The following GLB1L3 variants were observed in gnomAD, a reference collection of about 807,000 sequenced individuals.
GLB1L3 encodes the protein galactosidase beta 1 like 3, also known as beta-galactosidase-1-like protein 3.
GLB1L3 carries 89 observed loss-of-function variants against 89.5 expected under a neutral mutation model. The ratio of observed to expected loss-of-function variants is 0.99; its 90% confidence interval spans 0.84 to 1.19. The LOEUF is 1.19. GLB1L3 is among the 50% of genes most tolerant of loss of function. GLB1L3 has a pLI of 0.00. For missense variants in GLB1L3, 812 were observed against 813.3 expected, an observed-to-expected ratio of 1.00 and a Z score of 0.02; for synonymous variants, 314 against 312.3, an observed-to-expected ratio of 1.01 and a Z score of -0.06.
chr11:134,285,622 C>T (rs1288150649), intron 6 of GLB1L3, among the ~76,000 whole-genome samples: 1 of 151,980 alleles, frequency 6.6e-6, no homozygotes, highest in African/African-American at 2.4e-5. Context: ...CACAACTCTA[C>T]AAAAAATACA....
chr11:134,312,898 T>A lies in GLB1L3; in HGVS notation c.1500+11T>A. 1 of 1,581,740 alleles carries A rather than the reference T, an allele frequency of 6.3e-7. No individual in the cohort carries two copies. The highest frequency in any genetic ancestry group is 8.7e-7 in the Non-Finnish European group (1 of 1,153,540). On this transcript the variant is annotated intron_variant, in intron 15 of 19. Transcript: ENST00000431683. ...ATTCCTGAACTCAGGGTATGTAATTTGAGAGTCCAGGTGATGCCCTCGACC... is the reference window on the plus strand; with the variant it reads ...ATTCCTGAACTCAGGGTATGTAATTAGAGAGTCCAGGTGATGCCCTCGACC...
At chr11:134,277,198 AC>A (rs779390390) in intron 1 of GLB1L3, 127 bp from the exon 2 acceptor site, 5 of 1,194,470 alleles carry the variant, frequency 4.2e-6, no homozygotes, top group Non-Finnish European at 2.4e-6. Flanking sequence ...CGCCTGGAAG[AC>A]CCGCCTGTGT....
chr11:134,308,274 C>T (rs868231969), intron 10 of GLB1L3, among the ~76,000 whole-genome samples: 49 of 39,264 alleles, frequency 1.2e-3, no homozygotes, highest in Middle Eastern at 0.012. Context: ...ACCACCACCA[C>T]CACCACCAAA....
In GLB1L3 at chr11:134,277,344, G is replaced by A. The variant is rs1185079520; in HGVS notation, c.42G>A (p.Lys14=). The A allele has an allele frequency of 6.2e-7, 1 of 1,613,840 alleles. No homozygotes were observed. Among genetic ancestry groups the A allele is most frequent in the African/African-American group, 1.3e-5 (1 of 74,940 alleles). Residue 14 remains lysine (K), a synonymous_variant, in exon 2 of 20, where the codon AAG becomes AAA. Transcript: ENST00000431683. ...CTTTCAGCCCGTGTCTCTCCTGGAAGAGAATGGCGGGCATCTTTTTCCTGC... is the reference window on the plus strand; with the variant it reads ...CTTTCAGCCCGTGTCTCTCCTGGAAAAGAATGGCGGGCATCTTTTTCCTGC... ...PPLLSPCLSW[K]RMAGIFFLPF...
At chr11:134,281,235 CAG>C (rs1940667608) in intron 3 of GLB1L3, 140 bp from the exon 4 acceptor site, 3 of 925,606 alleles carry the variant, frequency 3.2e-6, no homozygotes, top group Non-Finnish European at 5.2e-6. Context: ...GTTAGTGTAA[CAG>C]AGGTTTAATT....
Position 134,296,792 on chromosome 11 carries a change from GTAAC to G in GLB1L3, c.876+3588_876+3591del, listed in dbSNP as rs538697261. Reference sequence around the variant, plus strand: ...ACCAGCATGGCACATGTATACATATGTAACTAACCTGCACATTGTGCACATGTAC... The same window carrying G: ...ACCAGCATGGCACATGTATACATATGTAACCTGCACATTGTGCACATGTAC... On this transcript the variant is annotated intron_variant, in intron 9 of 19. Transcript: ENST00000431683. 4.6e-3 allele frequency among the ~76,000 whole-genome samples: 690 copies of G among 150,396 alleles called. 8 individuals carry two copies. Among genetic ancestry groups the G allele is most frequent in the African/African-American group, 0.015 (627 of 41,024 alleles).
At position 134,309,774 on chromosome 11, in the gene GLB1L3, C is replaced by G; in HGVS notation, c.1099+11C>G. ...TTGTCACCAGCTATGGCAAGTGTCG[C>G]TGGTGTAGTAGCCTCTCCAGCATGG... On this transcript the variant is annotated intron_variant, in intron 11 of 19. Transcript: ENST00000431683. The G allele has an allele frequency of 3.1e-6, 5 of 1,612,212 alleles. No homozygotes were observed. The highest frequency in any genetic ancestry group is 4.2e-6 in the Non-Finnish European group (5 of 1,179,280).
chr11:134,309,909 C>T, intron 11 of GLB1L3, 146 bp downstream of exon 11: 1 of 883,898 alleles, frequency 1.1e-6, no homozygotes, highest in Non-Finnish European at 1.7e-6. Flanking sequence ...TACTTTCCTT[C>T]CTTCTGTATG....
rs1055629050 is a variant in GLB1L3, at chr11:134,277,611, C to A, written c.150-89C>A. 42 of 1,527,584 alleles carry A rather than the reference C, an allele frequency of 2.7e-5. 1 individual carries two copies. In the South Asian group the frequency reaches 3.3e-4, roughly 12 times the overall value. The allele number at this position is 1,527,584 out of a possible 1,614,324, so 94.6% of individuals were successfully genotyped here. On this transcript the variant is annotated intron_variant, in intron 2 of 19. Coordinates refer to ENST00000431683, the MANE Select transcript of GLB1L3 (RefSeq NM_001080407.3). ...GAACACGTCCTACTAACAAAAACTTCTTTTCGCTAGGGTTTCAGCCGTGCC... is the reference window on the plus strand; with the variant it reads ...GAACACGTCCTACTAACAAAAACTTATTTTCGCTAGGGTTTCAGCCGTGCC...
intron 10 of GLB1L3, among the ~76,000 whole-genome samples, chr11:134,308,166 CCAG>C (rs1170213711): frequency 1.0e-3 from 108 of 105,944 alleles, no homozygotes; most frequent in Middle Eastern, 5.0e-3. Flanking sequence ...AACACCACCA[CCAG>C]CACCACCACC....
At chr11:134,322,098 G>A (rs942322768), downstream of GLB1L3, among the ~76,000 whole-genome samples, 7 of 152,148 alleles carry the variant, frequency 4.6e-5, no homozygotes, top group African/African-American at 1.2e-4. Context: ...ACATAAAGAT[G>A]CAATGATCGA....
At chr11:134,308,223 T>C (rs62636436) in intron 10 of GLB1L3, among the ~76,000 whole-genome samples, 5,904 of 26,710 alleles carry the variant, frequency 0.22, 1,997 homozygotes, top group Non-Finnish European at 0.24. Context: ...ACCATCACCA[T>C]CACCACCACC....
chr11:134,287,310 A>G (rs1941070458), intron 6 of GLB1L3: 1 of 152,252 alleles, frequency 6.6e-6, no homozygotes, highest in African/African-American at 2.4e-5. Context: ...AACTTTTAAG[A>G]AGCAAGGAAT....
chr11:134,304,025 A>G (rs576727711), intron 9 of GLB1L3, among the ~76,000 whole-genome samples: 2 of 152,144 alleles, frequency 1.3e-5, no homozygotes, highest in Non-Finnish European at 2.9e-5. Context: ...CAGTTGAACT[A>G]TGTCTCTTTC....
At chr11:134,319,922 A>T (rs1239874998), downstream of GLB1L3, among the ~76,000 whole-genome samples, 3 of 152,278 alleles carry the variant, frequency 2.0e-5, no homozygotes, top group East Asian at 5.8e-4. Flanking sequence ...GTGACAACAA[A>T]GCTAGCGCAG....
intron 16 of GLB1L3, 67 bp from the exon 17 acceptor site, chr11:134,313,873 TC>T: frequency 9.9e-7 from 1 of 1,013,510 alleles, no homozygotes; most frequent in Non-Finnish European, 1.5e-6. Context: ...CATTGCTTTG[TC>T]CCAGATGCTA....
chr11:134,283,690 C>T (rs746007894), intron 5 of GLB1L3, 47 bp from the exon 6 acceptor site: 4 of 1,141,012 alleles, frequency 3.5e-6, no homozygotes, highest in African/African-American at 1.5e-5. Context: ...TCCTGCTTCC[C>T]TCTCCCAACC....
rs1942773107 is a variant in GLB1L3 at position 134,312,355 on chromosome 11, A to G, written c.1294A>G (p.Arg432Gly). The change falls in exon 14 of 20, where the codon AGG becomes GGG. Residue 432 changes from arginine to glycine, a missense_variant. Physicochemically the swap from Arg to Gly is moderately radical, Grantham distance 125 (BLOSUM62 -2). This residue lies in a region of GLB1L3 where 618 missense variants were observed against 604.0 expected (regional missense o/e 1.02). Transcript: ENST00000431683. ...DALSYLNEPV[R>G]SRQPVNMENL... ...TTGCCATTTCTCCTCATAGCCAGTC[A>G]GGTCGCGTCAGCCCGTCAACATGGA... is the stretch of plus-strand genomic sequence containing the variant. 1.2e-6 allele frequency: 2 copies of G among 1,613,530 alleles called. No individual in the cohort carries two copies. Among genetic ancestry groups the G allele is most frequent in the Non-Finnish European group, 1.7e-6 (2 of 1,179,796 alleles).
intron 7 of GLB1L3, among the ~76,000 whole-genome samples, chr11:134,291,005 A>G (rs1941326499): frequency 6.6e-6 from 1 of 152,108 alleles, no homozygotes; most frequent in Admixed American, 6.5e-5. Flanking sequence ...TCCCCACAAA[A>G]GTCACCAGGC....
Sources: allele counts gnomAD v4.1 joint callset (sites outside exome capture counted in the v4.1 genomes callset), GRCh38; gene constraint gnomAD v4.1.1; regional missense constraint gnomAD v4.1.1; transcripts MANE v1.5; gene names NCBI Gene and HGNC (gene_info 2026-07-23, HGNC 2026-07-21).